PRPF39: variants seen among roughly 807,000 people sequenced by gnomAD.
PRPF39 encodes the protein pre-mRNA-processing factor 39.
In PRPF39, 27 loss-of-function variants were observed where a neutral mutation model predicts 82.1. That is an observed-to-expected ratio of 0.33 (90% CI 0.24 to 0.45). PRPF39 has a LOEUF of 0.45. Ranked by LOEUF, PRPF39 falls within the 20% of genes least tolerant of loss-of-function variation. PRPF39 has a pLI of 1.00. For missense variants in PRPF39, 581 were observed against 796.9 expected (o/e 0.73, Z 3.26); for synonymous variants, 261 against 256.4 (o/e 1.02, Z -0.17).
intron 3 of PRPF39, chr14:45,096,558 T>C (rs1884207252): frequency 7.0e-7 from 1 of 1,433,704 alleles, no homozygotes; most frequent in Non-Finnish European, 9.3e-7. Context: ...GTTGGTTTGC[T>C]AGTCACATTT....
chr14:45,091,955 C>G, intron 1 of PRPF39, among the ~76,000 whole-genome samples: 1 of 152,166 alleles, frequency 6.6e-6, no homozygotes, highest in Non-Finnish European at 1.5e-5. Context: ...TTTGTTAGAG[C>G]TTGATGATGT....
intron 7 of PRPF39, among the ~76,000 whole-genome samples, chr14:45,108,883 G>C (rs369774197): frequency 6.6e-6 from 1 of 151,720 alleles, no homozygotes; most frequent in African/African-American, 2.4e-5. Context: ...TTAATTCTTT[G>C]GTTTTTTTTG....
At chr14:45,089,129 T>C (rs1883938584) in intron 1 of PRPF39, among the ~76,000 whole-genome samples, 1 of 152,248 alleles carries the variant, frequency 6.6e-6, no homozygotes, top group African/African-American at 2.4e-5. Flanking sequence ...TGTTTTTGCT[T>C]TTGTTTGCCT....
At chr14:45,088,905 A>G (rs1410724332) in intron 1 of PRPF39, among the ~76,000 whole-genome samples, 1 of 152,198 alleles carries the variant, frequency 6.6e-6, no homozygotes, top group African/African-American at 2.4e-5. Context: ...ATTTTTTTCT[A>G]TTCTATTTTC....
chr14:45,108,185 C>T (rs369699881), intron 6 of PRPF39, among the ~76,000 whole-genome samples: 4 of 152,026 alleles, frequency 2.6e-5, no homozygotes, highest in African/African-American at 9.7e-5. Context: ...TGTGTATCTA[C>T]TAGCCCAATT....
At chr14:45,092,760 C>T (rs1884076605) in intron 1 of PRPF39, among the ~76,000 whole-genome samples, 1 of 152,110 alleles carries the variant, frequency 6.6e-6, no homozygotes, top group African/African-American at 2.4e-5. Context: ...CTTGGCCCTT[C>T]CCTAGACCTC....
rs1884721377 is a variant in PRPF39, at chr14:45,112,324, A to T, written c.1579A>T (p.Thr527Ser). The change falls in exon 11 of 14, where the codon ACA (threonine) becomes TCA (serine). Residue 527 changes from threonine (T) to serine (S), a missense_variant. By Grantham distance (58) the Thr-to-Ser change is moderately conservative. Transcript: ENST00000355765. ...GATGCTGCTTTTTACACAGGAGAAC[A>T]CAAAGTTATACCTCAATTTACTTGA... ...LEAIERDKEN[T>S]KLYLNLLEME... 6.4e-7 allele frequency: 1 copy of T among 1,557,216 alleles called. No individual in the cohort carries two copies. The highest frequency in any genetic ancestry group is 1.4e-5 in the African/African-American group (1 of 71,320).
chr14:45,088,043 G>T (rs748505780), intron 1 of PRPF39, among the ~76,000 whole-genome samples: 1 of 152,158 alleles, frequency 6.6e-6, no homozygotes, highest in Non-Finnish European at 1.5e-5. Flanking sequence ...CAGGTGTACT[G>T]TATCCCTGTG....
intron 13 of PRPF39, 29 bp downstream of exon 13, chr14:45,114,643 T>G (rs1884786413): frequency 6.3e-7 from 1 of 1,585,164 alleles, no homozygotes; most frequent in African/African-American, 1.4e-5. Context: ...AATTCTTTGT[T>G]CATAGATGTT....
At chr14:45,107,664 T>C (rs1884576611) in intron 6 of PRPF39, 48 bp downstream of exon 6, 3 of 1,511,770 alleles carry the variant, frequency 2.0e-6, no homozygotes, top group Non-Finnish European at 2.7e-6. Context: ...TATGGTGGCT[T>C]ATGCCTGTAA....
chr14:45,110,545 C>T lies in PRPF39; in HGVS notation c.1304-4C>T. ...AAGCATAAACATTTAATTACTGTTT[C>T]TAGGTAATATTAATGAAGCCAGGAA... On this transcript the variant is annotated splice_region_variant and splice_polypyrimidine_tract_variant and intron_variant, in intron 9 of 13. Transcript: ENST00000355765. The surrounding 1 kb of genome is among the most constrained non-coding windows in gnomAD (Gnocchi z 4.0). 1.9e-6 allele frequency: 3 copies of T among 1,553,022 alleles called. No individual in the cohort carries two copies. The highest frequency in any genetic ancestry group is 2.6e-6 in the Non-Finnish European group (3 of 1,146,638).
chr14:45,101,851 G>T (rs1326464462), intron 4 of PRPF39, among the ~76,000 whole-genome samples: 1 of 150,824 alleles, frequency 6.6e-6, no homozygotes, highest in African/African-American at 2.4e-5. Flanking sequence ...CTGTCGCCCA[G>T]TCTGGAGTGC....
chr14:45,114,566 T>G lies in PRPF39; in HGVS notation c.1905T>G (p.Gly635=). 7 of 1,609,104 alleles carry G rather than the reference T, an allele frequency of 4.4e-6. No individual in the cohort carries two copies. The highest frequency in any genetic ancestry group is 5.9e-6 in the Non-Finnish European group (7 of 1,178,164). ...TTSSSTQMID[G]DLQANQAVYN... is the part of the protein sequence containing the mutation. Reference sequence around the variant, plus strand: ...CATCATCTACACAGATGATTGATGGTGATTTACAGGCAAACCAAGCTGTAT... The same window carrying G: ...CATCATCTACACAGATGATTGATGGGGATTTACAGGCAAACCAAGCTGTAT... The change falls in exon 13 of 14, where the codon GGT becomes GGG. Residue 635 remains glycine, a synonymous_variant. Coordinates refer to ENST00000355765, the MANE Select transcript of PRPF39 (RefSeq NM_017922.4).
intron 7 of PRPF39, 83 bp from the exon 8 acceptor site, chr14:45,109,533 A>G (rs925290722): frequency 1.0e-5 from 11 of 1,079,820 alleles, no homozygotes; most frequent in African/African-American, 1.7e-5. Flanking sequence ...ATTATATTTA[A>G]AATTATTTGT....
chr14:45,089,908 G>A lies in PRPF39; in HGVS notation c.-19-5313G>A, dbSNP rs190439471. On this transcript the variant is annotated intron_variant, in intron 1 of 13. Coordinates refer to ENST00000355765, the MANE Select transcript of PRPF39 (RefSeq NM_017922.4). ...GTAATCATCAAAATGATCTCTATAA[G>A]CATAAGGTTGATGTTCTTAAATCTT... Among the ~76,000 whole-genome samples the A allele has an allele frequency of 9.8e-5, 15 of 152,308 alleles. No homozygotes were observed. In the East Asian group the frequency reaches 2.3e-3, roughly 23 times the overall value.
At chr14:45,098,815 C>T (rs1328404364) in intron 4 of PRPF39, among the ~76,000 whole-genome samples, 1 of 152,162 alleles carries the variant, frequency 6.6e-6, no homozygotes, top group African/African-American at 2.4e-5. Flanking sequence ...CTTTACCTCA[C>T]TTCTGGGTGA....
intron 3 of PRPF39, 70 bp downstream of exon 3, chr14:45,096,298 T>A: frequency 4.0e-6 from 3 of 759,436 alleles, no homozygotes; most frequent in Middle Eastern, 3.2e-4. Context: ...AACAAAGATT[T>A]TTTTTTTTTT....
At chr14:45,111,632 T>C (rs1250859738) in intron 10 of PRPF39, among the ~76,000 whole-genome samples, 3 of 99,648 alleles carry the variant, frequency 3.0e-5, no homozygotes, top group South Asian at 7.5e-4. Flanking sequence ...GCACCTGGGC[T>C]TTTTTTTTTT....
chr14:45,092,673 A>G (rs933502424), intron 1 of PRPF39, among the ~76,000 whole-genome samples: 2 of 151,504 alleles, frequency 1.3e-5, no homozygotes, highest in Non-Finnish European at 2.9e-5. Flanking sequence ...TCCAAAAGTT[A>G]TACTCTCCAG....
Sources: allele counts gnomAD v4.1 joint callset (sites outside exome capture counted in the v4.1 genomes callset), GRCh38; gene constraint gnomAD v4.1.1; non-coding constraint Gnocchi (gnomAD v3.1); transcripts MANE v1.5; gene names NCBI Gene and HGNC (gene_info 2026-07-23, HGNC 2026-07-21).